Variants in CEP120 observed in about 807,000 individuals in gnomAD.
The protein encoded by CEP120 is centrosomal protein 120.
Under a neutral mutation model 126.5 loss-of-function variants are expected in CEP120, and 113 were observed. The observed-to-expected ratio is 0.89, with a 90% confidence interval of 0.77 to 1.04. The LOEUF (loss-of-function observed/expected upper bound fraction) is 1.04, where lower values mean the gene tolerates loss of function less well. CEP120 is among the 50% of genes least tolerant of loss of function. The pLI, the probability that CEP120 is intolerant of heterozygous loss-of-function variation, is 0.00. For synonymous variants in CEP120, 400 were observed against 394.3 expected, an observed-to-expected ratio of 1.01 and a Z score of -0.17; for missense variants, 1,230 against 1,155.7, an observed-to-expected ratio of 1.06 and a Z score of -0.93.
At chr5:123,379,246 C>G (rs1373350644) in intron 14 of CEP120, among the ~76,000 whole-genome samples, 1 of 152,032 alleles carries the variant, frequency 6.6e-6, no homozygotes, top group Non-Finnish European at 1.5e-5. Flanking sequence ...AAAATCATCT[C>G]TTTACCACCC....
chr5:123,399,105 C>T (rs374045907), intron 5 of CEP120, 31 bp downstream of exon 5: 34 of 1,490,668 alleles, frequency 2.3e-5, no homozygotes, highest in Admixed American at 1.1e-4. Context: ...TCAAATTATT[C>T]GTAAGTCACC....
At chr5:123,401,810 C>G in intron 4 of CEP120, 1 of 1,370,462 alleles carries the variant, frequency 7.3e-7, no homozygotes. Context: ...CATCCTCATA[C>G]TTGTTCTTGA....
At chr5:123,381,008 A>T (rs1450144536) in intron 14 of CEP120, among the ~76,000 whole-genome samples, 1 of 151,914 alleles carries the variant, frequency 6.6e-6, no homozygotes, top group Non-Finnish European at 1.5e-5. Flanking sequence ...TGGTTATTCA[A>T]GTTTTTAATG....
rs748718016 is a variant in CEP120, at chr5:123,393,358, C to G, written c.752G>C (p.Arg251Pro). The G allele has an allele frequency of 6.2e-7, 1 of 1,613,964 alleles. No individual in the cohort carries two copies. The highest frequency in any genetic ancestry group is 1.3e-5 in the African/African-American group (1 of 74,898). Residue 251 changes from arginine to proline, a missense_variant, in exon 6 of 20, where the codon CGC becomes CCC. Arg to Pro is a moderately radical substitution (Grantham distance 103). Coordinates refer to ENST00000306467, the MANE Select transcript of CEP120 (RefSeq NM_001375405.1). ...AAGAATTTCTACACTGCTACGGATG[C>G]GAACTGATGCTCTCTCTGGCTCAAA... Reference protein sequence around the residue: ...PNFEPERASVRIRSSVEILRV... With the variant: ...PNFEPERASVPIRSSVEILRV...
rs182437564 is a variant in CEP120 at position 123,418,682 on chromosome 5, C to T, written c.50-167G>A. ...CGCAATCTCAGCTCACTGCAACCTCCGCCTCCCAGGTTCACGCGATTCTCC... is the reference window on the plus strand; with the variant it reads ...CGCAATCTCAGCTCACTGCAACCTCTGCCTCCCAGGTTCACGCGATTCTCC... On this transcript the variant is annotated intron_variant, in intron 1 of 19. Coordinates refer to ENST00000306467, the MANE Select transcript of CEP120 (RefSeq NM_001375405.1). 6.6e-5 allele frequency among the ~76,000 whole-genome samples: 10 copies of T among 151,766 alleles called. 1 individual carries two copies. The East Asian group carries it at 1.2e-3, about 18-fold the overall frequency.
chr5:123,382,904 A>G lies in CEP120; in HGVS notation c.1861-15T>C. 1 of 1,611,518 alleles carries G rather than the reference A, an allele frequency of 6.2e-7. No homozygotes were observed. The highest frequency in any genetic ancestry group is 1.3e-5 in the African/African-American group (1 of 74,878). On this transcript the variant is annotated splice_polypyrimidine_tract_variant and intron_variant, in intron 12 of 19. Coordinates refer to ENST00000306467, the MANE Select transcript of CEP120 (RefSeq NM_001375405.1). ...GCAGATACACCCTAAGAGATGAACC[A>G]AAAAGTACATTTAAACACTCACACA...
chr5:123,383,984 A>T (rs542328193), intron 11 of CEP120, among the ~76,000 whole-genome samples: 149 of 152,248 alleles, frequency 9.8e-4, no homozygotes, highest in African/African-American at 3.3e-3. Flanking sequence ...GAAATGAATA[A>T]AGTTAAATGA....
intron 7 of CEP120, 150 bp from the exon 8 acceptor site, chr5:123,390,290 T>C (rs1772309495): frequency 1.4e-6 from 1 of 716,752 alleles, no homozygotes; most frequent in African/African-American, 1.7e-5. Context: ...GCAAATTTCC[T>C]TATAGCATCT....
intron 14 of CEP120, among the ~76,000 whole-genome samples, chr5:123,379,770 C>T (rs1363481533): frequency 6.6e-6 from 1 of 152,090 alleles, no homozygotes; most frequent in African/African-American, 2.4e-5. Flanking sequence ...CATCAAACTA[C>T]ATATAATTTT....
chr5:123,389,847 G>C (rs1426392930), intron 8 of CEP120, 77 bp downstream of exon 8: 1 of 1,300,586 alleles, frequency 7.7e-7, no homozygotes, highest in African/African-American at 1.5e-5. Flanking sequence ...ACTCATGAAA[G>C]TTCTCATAGT....
intron 15 of CEP120, 84 bp downstream of exon 15, chr5:123,378,252 T>C (rs1771380358): frequency 9.9e-7 from 1 of 1,014,438 alleles, no homozygotes; most frequent in Admixed American, 2.6e-5. Context: ...CGGGACTCTT[T>C]TGCATCTAAC....
At chr5:123,381,229 A>T (rs913101170) in intron 14 of CEP120, among the ~76,000 whole-genome samples, 3 of 152,150 alleles carry the variant, frequency 2.0e-5, no homozygotes, top group Non-Finnish European at 2.9e-5. Context: ...CCACTACAAT[A>T]TATCTAGCTT....
intron 4 of CEP120, among the ~76,000 whole-genome samples, chr5:123,404,894 G>T (rs1239957297): frequency 6.6e-6 from 1 of 152,116 alleles, no homozygotes; most frequent in African/African-American, 2.4e-5. Context: ...GTTTACAGAA[G>T]AGATGTAATC....
chr5:123,385,046 G>A lies in CEP120; in HGVS notation c.1668C>T (p.Ile556=), dbSNP rs777648831. ...LGIARIQLSN[I]LSSEKTRFLG... ...AAAAACGAGTTTTTTCTGAAGACAA[G>A]ATGTTAGAAAGCTGGATTCTCGCAA... Residue 556 remains isoleucine, a synonymous_variant, in exon 11 of 20, where the codon ATC becomes ATT. Transcript: ENST00000306467. 5 of 1,613,638 alleles carry A rather than the reference G, an allele frequency of 3.1e-6. No homozygotes were observed. The South Asian group carries it at 5.5e-5, about 18-fold the overall frequency.
rs1219905042 is a variant in CEP120 at position 123,382,072 on chromosome 5, AT to A, written c.2103+38del. Reference sequence around the variant, plus strand: ...GCAAATACAAGATATTATCATTAATATTCTTCCTTCTCTTCCTCACTTTTAC... The same window carrying A: ...GCAAATACAAGATATTATCATTAATATCTTCCTTCTCTTCCTCACTTTTAC... On this transcript the variant is annotated intron_variant, in intron 14 of 19. Transcript: ENST00000306467. 3.1e-6 allele frequency: 4 copies of A among 1,302,814 alleles called. No homozygotes were observed. The Admixed American group carries it at 7.4e-5, about 24-fold the overall frequency. 80.7% of individuals were successfully genotyped at this position (1,302,814 alleles called of 1,614,324 possible).
chr5:123,373,763 A>G (rs1000000864), intron 16 of CEP120, among the ~76,000 whole-genome samples: 25 of 152,156 alleles, frequency 1.6e-4, no homozygotes, highest in South Asian at 1.0e-3. Flanking sequence ...GGGTACCCCA[A>G]TGGAGCCCTG....
At chr5:123,369,779 T>C (rs2127014617) in intron 17 of CEP120, among the ~76,000 whole-genome samples, 1 of 152,192 alleles carries the variant, frequency 6.6e-6, no homozygotes, top group African/African-American at 2.4e-5. Context: ...CATCACCTTT[T>C]TTATTACTTT....
rs1321482629 is a variant in CEP120 at position 123,378,383 on chromosome 5, T to C, written c.2149A>G (p.Ile717Val). 4.4e-6 allele frequency: 7 copies of C among 1,608,008 alleles called. No individual in the cohort carries two copies. The South Asian group carries it at 7.8e-5, about 18-fold the overall frequency. Residue 717 changes from isoleucine (I) to valine (V), a missense_variant, in exon 15 of 20, where the codon ATT becomes GTT. Physicochemically the swap from Ile to Val is conservative, Grantham distance 29. Transcript: ENST00000306467. ...ILEGKLQKTLIDLEKREQQLA... is the reference protein window; with the variant it reads ...ILEGKLQKTLVDLEKREQQLA... ...TGCTGCTCTCGCTTCTCCAAGTCAA[T>C]TAGAGTTTTTTGAAGTTTTCCTTCT...
At chr5:123,395,875 G>A (rs948097239) in intron 5 of CEP120, among the ~76,000 whole-genome samples, 16 of 151,450 alleles carry the variant, frequency 1.1e-4, no homozygotes, top group African/African-American at 2.9e-4. Flanking sequence ...GTAGAGATGG[G>A]GTTTCACCAT....
Sources: allele counts gnomAD v4.1 joint callset (sites outside exome capture counted in the v4.1 genomes callset), GRCh38; gene constraint gnomAD v4.1.1; transcripts MANE v1.5; gene names NCBI Gene and HGNC (gene_info 2026-07-23, HGNC 2026-07-21).